The following AMBRA1 variants were observed in gnomAD, a reference collection of about 807,000 sequenced individuals.
The protein encoded by AMBRA1 is activating molecule in BECN1-regulated autophagy protein 1.
Under a neutral mutation model 125.4 loss-of-function variants are expected in AMBRA1, and 47 were observed. The ratio of observed to expected loss-of-function variants is 0.37; its 90% CI spans 0.30 to 0.48. The LOEUF (loss-of-function observed/expected upper bound fraction) is 0.48, where lower values mean the gene tolerates loss of function less well. AMBRA1 is among the 20% of genes least tolerant of loss of function. The probability of loss-of-function intolerance (pLI) is 0.99; values close to 1 mark genes in which losing one functional copy is unlikely to be tolerated. For synonymous variants in AMBRA1, 626 were observed against 655.5 expected, an observed-to-expected ratio of 0.95 and a Z score of 0.69; for missense variants, 1,331 against 1,693.4, an observed-to-expected ratio of 0.79 and a Z score of 3.76.
In AMBRA1 at chr11:46,485,188, T is replaced by C. The variant is rs188978838; in HGVS notation, c.2521+8420A>G. Among the ~76,000 whole-genome samples the C allele has an allele frequency of 2.6e-4, 40 of 152,368 alleles. 1 individual carries two copies. In the East Asian group the frequency reaches 7.5e-3, roughly 29 times the overall value. On this transcript the variant is annotated intron_variant, in intron 11 of 17. Transcript: ENST00000683756. ...CCTGACCTCAGGTGATCCGCCCGCC[T>C]TGGCCTCCCAACATGCTGGGATTAC...
chr11:46,531,246 T>C (rs1034260749), intron 7 of AMBRA1, among the ~76,000 whole-genome samples: 2 of 152,018 alleles, frequency 1.3e-5, no homozygotes, highest in African/African-American at 4.8e-5. Flanking sequence ...AGTTGAGTAA[T>C]TGCAACAGAG....
At chr11:46,485,099 G>A (rs1474210743) in intron 11 of AMBRA1, among the ~76,000 whole-genome samples, 9 of 151,992 alleles carry the variant, frequency 5.9e-5, no homozygotes, top group African/African-American at 1.5e-4. Context: ...CACCACGCCC[G>A]GCTAATTTTT....
rs190855150 is a variant in AMBRA1, at chr11:46,459,977, G to A, written c.2522-16379C>T. 2.8e-3 allele frequency among the ~76,000 whole-genome samples: 421 copies of A among 152,260 alleles called. 1 individual carries two copies. The highest frequency in any genetic ancestry group is 1.0e-2 in the African/African-American group (414 of 41,566). ...AGTGCCGGTCAGAATAATACCCTGA[G>A]ATGCCTTTCACATGTTTAAGAAGTA... On this transcript the variant is annotated intron_variant, in intron 11 of 17. Coordinates refer to ENST00000683756, the MANE Select transcript of AMBRA1 (RefSeq NM_001387011.1).
intron 7 of AMBRA1, among the ~76,000 whole-genome samples, chr11:46,513,356 C>G (rs1409485634): frequency 6.6e-6 from 1 of 150,544 alleles, no homozygotes; most frequent in East Asian, 1.9e-4. Context: ...TAAGAGTACT[C>G]CATAGGCTTT....
intron 9 of AMBRA1, among the ~76,000 whole-genome samples, chr11:46,496,554 G>T (rs1362069964): frequency 6.6e-6 from 1 of 152,076 alleles, no homozygotes; most frequent in Non-Finnish European, 1.5e-5. Context: ...CAACAAACAC[G>T]AATCTATCTC....
intron 14 of AMBRA1, among the ~76,000 whole-genome samples, chr11:46,430,859 C>T (rs1054503840): frequency 9.9e-5 from 15 of 152,172 alleles, no homozygotes; most frequent in Admixed American, 9.8e-4. Flanking sequence ...CAGAGCTTGA[C>T]ATTAGAGATG....
chr11:46,568,721 G>A (rs934834890), intron 1 of AMBRA1, among the ~76,000 whole-genome samples: 29 of 144,994 alleles, frequency 2.0e-4, no homozygotes, highest in Admixed American at 1.5e-3. Context: ...GCAGTGAGCC[G>A]AGACCTCACC....
At chr11:46,536,937 A>T (rs1390920019) in intron 7 of AMBRA1, among the ~76,000 whole-genome samples, 1 of 152,234 alleles carries the variant, frequency 6.6e-6, no homozygotes, top group Non-Finnish European at 1.5e-5. Flanking sequence ...AGTCTTACTA[A>T]ATACTCCAGA....
At chr11:46,565,682 G>C (rs1233187943) in intron 1 of AMBRA1, among the ~76,000 whole-genome samples, 1 of 152,038 alleles carries the variant, frequency 6.6e-6, no homozygotes, top group Non-Finnish European at 1.5e-5. Context: ...ACTCCAACCT[G>C]GGCTCAGAGC....
chr11:46,491,937 C>CA (rs1296292114), intron 11 of AMBRA1, among the ~76,000 whole-genome samples: 1 of 152,152 alleles, frequency 6.6e-6, no homozygotes, highest in Admixed American at 6.5e-5. Flanking sequence ...GCCAAGGAAA[C>CA]AGAGATCTGC....
At chr11:46,411,055 G>A (rs1248203082) in intron 15 of AMBRA1, among the ~76,000 whole-genome samples, 5 of 147,796 alleles carry the variant, frequency 3.4e-5, no homozygotes, top group South Asian at 2.1e-4. Flanking sequence ...AGCTGAGATC[G>A]CGCCACTGTA....
At chr11:46,580,835 G>A (rs1181213315) in intron 1 of AMBRA1, among the ~76,000 whole-genome samples, 2 of 151,988 alleles carry the variant, frequency 1.3e-5, no homozygotes, top group East Asian at 1.9e-4. Flanking sequence ...TCTGTCACCC[G>A]GCCTGGAGTG....
chr11:46,498,132 A>G (rs1001807711), intron 9 of AMBRA1, among the ~76,000 whole-genome samples: 1 of 152,208 alleles, frequency 6.6e-6, no homozygotes, highest in Non-Finnish European at 1.5e-5. Context: ...GAATTGGAAG[A>G]TATTTGCCAG....
chr11:46,463,766 G>A (rs1162231370), intron 11 of AMBRA1, among the ~76,000 whole-genome samples: 1 of 152,208 alleles, frequency 6.6e-6, no homozygotes, highest in Non-Finnish European at 1.5e-5. Context: ...CTAAGAAATT[G>A]ATGGTTTCAT....
intron 11 of AMBRA1, among the ~76,000 whole-genome samples, chr11:46,477,148 T>C (rs1157646740): frequency 7.2e-6 from 1 of 139,180 alleles, no homozygotes; most frequent in African/African-American, 2.7e-5. Context: ...CCACAACAGA[T>C]AAAGGGAGAA....
Position 46,397,372 on chromosome 11 carries a change from A to G in AMBRA1, c.*78T>C, listed in dbSNP as rs978317441. ...CTGATGCAGCCAGCAGCTCTTCCAC[A>G]TGTCCAGTTCCCAGTCAGCTGTGAG... On this transcript the variant is annotated 3_prime_UTR_variant, in exon 18 of 18. Coordinates refer to ENST00000683756, the MANE Select transcript of AMBRA1 (RefSeq NM_001387011.1). 5.0e-6 allele frequency: 7 copies of G among 1,413,882 alleles called. No individual in the cohort carries two copies. In the African/African-American group the frequency reaches 1.0e-4, roughly 20 times the overall value. The allele number at this position is 1,413,882 out of a possible 1,614,324, so 87.6% of individuals were successfully genotyped here.
chr11:46,505,369 G>A lies in AMBRA1; in HGVS notation c.2339+2822C>T, dbSNP rs191100239. On this transcript the variant is annotated intron_variant, in intron 9 of 17. Coordinates refer to ENST00000683756, the MANE Select transcript of AMBRA1 (RefSeq NM_001387011.1). ...GTTTACTGTAGAGGGAGGTGGGCAG[G>A]GAAGGAGACAGAGAAAGAATAAACA... Among the ~76,000 whole-genome samples the A allele has an allele frequency of 4.3e-3, 661 of 152,250 alleles. 2 individuals are homozygous for A. The highest frequency in any genetic ancestry group is 0.015 in the African/African-American group (624 of 41,542).
intron 1 of AMBRA1, among the ~76,000 whole-genome samples, chr11:46,569,329 T>A (rs2043663129): frequency 6.7e-6 from 1 of 148,454 alleles, no homozygotes. Flanking sequence ...TGTATGCATA[T>A]AATAGTTTTT....
chr11:46,469,838 CTT>C (rs34785738), intron 11 of AMBRA1, among the ~76,000 whole-genome samples: 132 of 128,246 alleles, frequency 1.0e-3, no homozygotes, highest in African/African-American at 2.4e-3. Flanking sequence ...CTAACTTAAA[CTT>C]TTTTTTTTTT....
Sources: allele counts gnomAD v4.1 joint callset (sites outside exome capture counted in the v4.1 genomes callset), GRCh38; gene constraint gnomAD v4.1.1; transcripts MANE v1.5; gene names NCBI Gene and HGNC (gene_info 2026-07-23, HGNC 2026-07-21).